The following DYRK1B variants were observed in gnomAD, a reference collection of about 807,000 sequenced individuals.
The protein encoded by DYRK1B is dual specificity tyrosine-phosphorylation-regulated kinase 1B.
Under a neutral mutation model 57.1 loss-of-function variants are expected in DYRK1B, and 20 were observed. That is an observed-to-expected ratio of 0.35 (90% CI 0.25 to 0.51). The LOEUF (loss-of-function observed/expected upper bound fraction) is 0.51, where lower values mean the gene tolerates loss of function less well. DYRK1B is among the 20% of genes least tolerant of loss of function. The probability of loss-of-function intolerance (pLI) is 0.96; values close to 1 mark genes in which losing one functional copy is unlikely to be tolerated. For missense variants in DYRK1B, 732 were observed against 886.3 expected (o/e 0.83, Z 2.21); for synonymous variants, 409 against 384.7 (o/e 1.06, Z -0.74).
intron 8 of DYRK1B, 82 bp from the exon 9 acceptor site, chr19:39,827,069 A>G: frequency 8.0e-7 from 1 of 1,247,680 alleles, no homozygotes; most frequent in Non-Finnish European, 1.1e-6. Flanking sequence ...ACGGGGAAAC[A>G]GAGGCACAAG....
chr19:39,833,672 A>G (rs1968938361), intron 1 of DYRK1B: 2 of 152,190 alleles, frequency 1.3e-5, no homozygotes, highest in South Asian at 4.1e-4. Context: ...GGCACCTGCC[A>G]TGGCAACAAC....
Position 39,826,338 on chromosome 19 carries a change from C to G in DYRK1B, c.1412-52G>C, listed in dbSNP as rs1185353969. On this transcript the variant is annotated intron_variant, in intron 9 of 10. Coordinates refer to ENST00000323039, the MANE Select transcript of DYRK1B (RefSeq NM_004714.3). The surrounding 1 kb of genome is among the most constrained non-coding windows in gnomAD (Gnocchi z 6.3). The stretch of plus-strand genomic sequence containing the variant: ...AGGGGCATAAGGTGAGAGAAGGTGG[C>G]GAGTGGGTTTTGGGATGGCTGAGGG... 6.9e-7 allele frequency: 1 copy of G among 1,444,754 alleles called. No homozygotes were observed. The highest frequency in any genetic ancestry group is 1.4e-5 in the South Asian group (1 of 72,328). 89.5% of individuals were successfully genotyped at this position (1,444,754 alleles called of 1,614,324 possible). A position where few individuals can be genotyped will look rare whatever the true frequency, so the allele number is the denominator to read the frequency against.
intron 1 of DYRK1B, 34 bp from the exon 2 acceptor site, chr19:39,832,002 G>A (rs1599647544): frequency 7.1e-7 from 1 of 1,411,136 alleles, no homozygotes; most frequent in Non-Finnish European, 9.2e-7. Context: ...AAACAACATG[G>A]AACAAGGGGA....
chr19:39,826,341 G>C lies in DYRK1B; in HGVS notation c.1412-55C>G, dbSNP rs1968538759. 1.4e-6 allele frequency: 2 copies of C among 1,430,372 alleles called. No homozygotes were observed. The highest frequency in any genetic ancestry group is 1.9e-6 in the Non-Finnish European group (2 of 1,062,090). 88.6% of individuals were successfully genotyped at this position (1,430,372 alleles called of 1,614,324 possible). A position where few individuals can be genotyped will look rare whatever the true frequency, so the allele number is the denominator to read the frequency against. The stretch of plus-strand genomic sequence containing the variant: ...GGCATAAGGTGAGAGAAGGTGGCGA[G>C]TGGGTTTTGGGATGGCTGAGGGAAG... On this transcript the variant is annotated intron_variant, in intron 9 of 10. Coordinates refer to ENST00000323039, the MANE Select transcript of DYRK1B (RefSeq NM_004714.3). This position sits in a 1 kb window ranked among gnomAD's most constrained non-coding sequence, Gnocchi z 6.3.
In DYRK1B at chr19:39,826,391, G is replaced by C. The variant is rs981505149; in HGVS notation, c.1412-105C>G. The C allele has an allele frequency of 1.6e-5, 16 of 978,504 alleles. No individual in the cohort carries two copies. Among genetic ancestry groups the C allele is most frequent in the Non-Finnish European group, 2.1e-5 (14 of 679,258 alleles). The allele number at this position is 978,504 out of a possible 1,614,324, so 60.6% of individuals were successfully genotyped here. A position where few individuals can be genotyped will look rare whatever the true frequency, so the allele number is the denominator to read the frequency against. On this transcript the variant is annotated intron_variant, in intron 9 of 10. Coordinates refer to ENST00000323039, the MANE Select transcript of DYRK1B (RefSeq NM_004714.3). The surrounding 1 kb of genome is among the most constrained non-coding windows in gnomAD (Gnocchi z 6.3). ...GGTCACGGCCCAGGCTCAGGTTCAGGCTTCAAGAGCAGAGCCCATCTGAAG... is the reference window on the plus strand; with the variant it reads ...GGTCACGGCCCAGGCTCAGGTTCAGCCTTCAAGAGCAGAGCCCATCTGAAG...
rs553857403 is a variant in DYRK1B, at chr19:39,829,866, G to A, written c.520+14C>T. The A allele has an allele frequency of 1.9e-6, 3 of 1,611,486 alleles. No homozygotes were observed. In the African/African-American group the frequency reaches 4.0e-5, roughly 22 times the overall value. ...ATCCCAGGTGCCCACAGCCCTGCCAGTCCCAGGCCTCACCTATATAGTACT... is the reference window on the plus strand; with the variant it reads ...ATCCCAGGTGCCCACAGCCCTGCCAATCCCAGGCCTCACCTATATAGTACT... On this transcript the variant is annotated intron_variant, in intron 5 of 10. Transcript: ENST00000323039.
rs1431116947 is a variant in DYRK1B at position 39,825,709 on chromosome 19, G to A, written c.*6C>T. 2.6e-6 allele frequency: 4 copies of A among 1,547,486 alleles called. No individual in the cohort carries two copies. The Admixed American group carries it at 5.9e-5, about 23-fold the overall frequency. On this transcript the variant is annotated 3_prime_UTR_variant, in exon 11 of 11. Transcript: ENST00000323039. ...CTTCAGGAGGGGCCCCAGGGAGGGG[G>A]CAGGGTCACGAGCTGGCTGCTGTGC... is the stretch of plus-strand genomic sequence containing the variant.
At chr19:39,827,052 GAC>G in intron 8 of DYRK1B, 65 bp from the exon 9 acceptor site, 2 of 1,300,772 alleles carry the variant, frequency 1.5e-6, no homozygotes, top group South Asian at 1.5e-5. Flanking sequence ...GGGGCAGGGA[GAC>G]ACACACGGGG....
chr19:39,826,369 C>T lies in DYRK1B; in HGVS notation c.1412-83G>A. The T allele has an allele frequency of 8.7e-7, 1 of 1,155,058 alleles. No homozygotes were observed. Among genetic ancestry groups the T allele is most frequent in the Non-Finnish European group, 1.2e-6 (1 of 827,460 alleles). 71.6% of individuals were successfully genotyped at this position (1,155,058 alleles called of 1,614,324 possible). A position where few individuals can be genotyped will look rare whatever the true frequency, so the allele number is the denominator to read the frequency against. On this transcript the variant is annotated intron_variant, in intron 9 of 10. Transcript: ENST00000323039. The surrounding 1 kb of genome is among the most constrained non-coding windows in gnomAD (Gnocchi z 6.3). ...GGTTTTGGGATGGCTGAGGGAAGGT[C>T]ACGGCCCAGGCTCAGGTTCAGGCTT... is the stretch of plus-strand genomic sequence containing the variant.
rs1286699426 is a variant in DYRK1B at position 39,828,267 on chromosome 19, C to T, written c.807+30G>A. The T allele has an allele frequency of 3.7e-6, 6 of 1,608,178 alleles. No homozygotes were observed. The highest frequency in any genetic ancestry group is 5.1e-6 in the Non-Finnish European group (6 of 1,177,260). ...GGCTCTGCCCCACCCAAACTACTAG[C>T]CGTGCTCCCAGGACCGGGCCGCCCC... is the stretch of plus-strand genomic sequence containing the variant. On this transcript the variant is annotated intron_variant, in intron 6 of 10. Transcript: ENST00000323039. This position sits in a 1 kb window ranked among gnomAD's most constrained non-coding sequence, Gnocchi z 4.3.
At chr19:39,827,191 G>A in intron 8 of DYRK1B, 94 bp downstream of exon 8, 1 of 1,459,694 alleles carries the variant, frequency 6.9e-7, no homozygotes, top group South Asian at 1.4e-5. Context: ...GGAAGGAAGG[G>A]AAAGACACAA....
In DYRK1B at chr19:39,826,051, C is replaced by T; in HGVS notation, c.1554G>A (p.Gly518=). 6.6e-7 allele frequency: 1 copy of T among 1,518,884 alleles called. No homozygotes were observed. The highest frequency in any genetic ancestry group is 8.8e-7 in the Non-Finnish European group (1 of 1,136,456). 94.1% of individuals were successfully genotyped at this position (1,518,884 alleles called of 1,614,324 possible). A position where few individuals can be genotyped will look rare whatever the true frequency, so the allele number is the denominator to read the frequency against. ...GATGTGTCTTGTGGGGCACATCACCCCCTGCCCAGGGCCGCAGCGGCTGGG... is the reference window on the plus strand; with the variant it reads ...GATGTGTCTTGTGGGGCACATCACCTCCTGCCCAGGGCCGCAGCGGCTGGG... ...PPSQPLRPWA[G]GDVPHKTHQA... is the part of the protein sequence containing the mutation. Residue 518 remains glycine, a synonymous_variant, in exon 11 of 11, where the codon GGG becomes GGA. Transcript: ENST00000323039. The surrounding 1 kb of genome is among the most constrained non-coding windows in gnomAD (Gnocchi z 6.3).
chr19:39,830,353 G>T (rs746559079), intron 4 of DYRK1B, 22 bp downstream of exon 4: 3 of 1,613,632 alleles, frequency 1.9e-6, no homozygotes, highest in Non-Finnish European at 1.7e-6. Flanking sequence ...CTTGGATCAG[G>T]GTGGTGGGGG....
intron 8 of DYRK1B, 88 bp from the exon 9 acceptor site, chr19:39,827,075 A>G (rs1360798159): frequency 3.2e-6 from 4 of 1,245,954 alleles, no homozygotes; most frequent in African/African-American, 3.1e-5. Context: ...AAACAGAGGC[A>G]CAAGAGAGAA....
intron 2 of DYRK1B, 135 bp from the exon 3 acceptor site, chr19:39,830,918 A>C: frequency 9.3e-7 from 1 of 1,078,496 alleles, no homozygotes; most frequent in Non-Finnish European, 1.3e-6. Flanking sequence ...TAGGAAAGAA[A>C]CTCCCCCAGG....
In DYRK1B at chr19:39,826,639, C is replaced by T. The variant is rs756742776; in HGVS notation, c.1411+33G>A. Reference sequence around the variant, plus strand: ...AGGCCAAACCTGAGCAGCCCCCACCCGTTGTACCCCATTTGGGCACCTGGG... The same window carrying T: ...AGGCCAAACCTGAGCAGCCCCCACCTGTTGTACCCCATTTGGGCACCTGGG... On this transcript the variant is annotated intron_variant, in intron 9 of 10. Coordinates refer to ENST00000323039, the MANE Select transcript of DYRK1B (RefSeq NM_004714.3). This position sits in a 1 kb window ranked among gnomAD's most constrained non-coding sequence, Gnocchi z 6.3. The T allele has an allele frequency of 1.7e-5, 26 of 1,546,922 alleles. No individual in the cohort carries two copies. The highest frequency in any genetic ancestry group is 2.1e-5 in the Non-Finnish European group (24 of 1,149,254).
chr19:39,833,830 A>T (rs564457196), intron 1 of DYRK1B, among the ~76,000 whole-genome samples, 193 bp downstream of exon 1: 1 of 152,082 alleles, frequency 6.6e-6, no homozygotes, highest in Non-Finnish European at 1.5e-5. Flanking sequence ...CCCTCCTGCA[A>T]CTGCTTCCTC....
chr19:39,829,232 G>GTT (rs948509779), intron 5 of DYRK1B, among the ~76,000 whole-genome samples: 11 of 142,668 alleles, frequency 7.7e-5, no homozygotes, highest in Non-Finnish European at 1.2e-4. Flanking sequence ...TTTGTTTTGG[G>GTT]TTTTTTTTTT....
intron 7 of DYRK1B, 28 bp from the exon 8 acceptor site, chr19:39,827,453 C>T: frequency 1.2e-6 from 2 of 1,608,860 alleles, no homozygotes; most frequent in Non-Finnish European, 1.7e-6. Flanking sequence ...TCAAGGTCAT[C>T]AGGCCAGCCA....
Sources: allele counts gnomAD v4.1 joint callset (sites outside exome capture counted in the v4.1 genomes callset), GRCh38; gene constraint gnomAD v4.1.1; non-coding constraint Gnocchi (gnomAD v3.1); transcripts MANE v1.5; gene names NCBI Gene and HGNC (gene_info 2026-07-23, HGNC 2026-07-21).